The following ZC3H12B variants were observed in gnomAD, a reference collection of about 807,000 sequenced individuals.
ZC3H12B encodes zinc finger CCCH-type containing 12B.
ZC3H12B carries 7 observed loss-of-function variants against 43.9 expected under a neutral mutation model. The observed-to-expected ratio is 0.16, with a 90% CI of 0.09 to 0.30. The LOEUF (loss-of-function observed/expected upper bound fraction) is 0.30. ZC3H12B is among the 10% of genes least tolerant of loss of function. The pLI, the probability that ZC3H12B is intolerant of heterozygous loss-of-function variation, is 1.00. For missense variants in ZC3H12B, 475 were observed against 670.2 expected, an observed-to-expected ratio of 0.71 and a Z score of 3.22; for synonymous variants, 222 against 241.7, an observed-to-expected ratio of 0.92 and a Z score of 0.76.
At chrX:65,347,721 G>C in the ZC3H12B span, among the ~76,000 whole-genome samples, 1 of 112,048 alleles carries the variant, frequency 8.9e-6, no homozygotes, top group Non-Finnish European at 1.9e-5. Context: ...TTTGACCCAG[G>C]CATCCCATTA....
At chrX:65,280,522 A>G in the ZC3H12B span, among the ~76,000 whole-genome samples, 1 of 112,049 alleles carries the variant, frequency 8.9e-6, no homozygotes, top group East Asian at 2.8e-4. Flanking sequence ...TTTATTCAAC[A>G]TAGTACTGAA....
chrX:65,410,325 A>G (rs2066889550), intron 3 of ZC3H12B, among the ~76,000 whole-genome samples: 1 of 112,042 alleles, frequency 8.9e-6, no homozygotes, highest in Non-Finnish European at 1.9e-5. Context: ...CACATTGATT[A>G]AAGACTTAAA....
At chrX:65,159,355 G>A in the ZC3H12B span, among the ~76,000 whole-genome samples, 2 of 111,441 alleles carry the variant, frequency 1.8e-5, no homozygotes, top group African/African-American at 3.3e-5. Flanking sequence ...AAATTACCTT[G>A]GGCAGTATGG....
intron 3 of ZC3H12B, among the ~76,000 whole-genome samples, chrX:65,407,621 G>A (rs1344651627): frequency 8.8e-6 from 1 of 113,597 alleles, no homozygotes; most frequent in Non-Finnish European, 1.9e-5. Context: ...GGGAAAACCC[G>A]AAGAGGAGGC....
chrX:65,234,518 G>C, the ZC3H12B span, among the ~76,000 whole-genome samples: 1 of 111,868 alleles, frequency 8.9e-6, no homozygotes, highest in South Asian at 3.7e-4. Flanking sequence ...ACAGCAGTTA[G>C]GCAAGAGAAA....
intron 3 of ZC3H12B, among the ~76,000 whole-genome samples, chrX:65,416,959 A>G (rs2066969854): frequency 8.9e-6 from 1 of 111,813 alleles, no homozygotes; most frequent in South Asian, 3.7e-4. Context: ...CTTAGGTCTC[A>G]TTCCAAGAGA....
chrX:65,257,108 T>C, the ZC3H12B span, among the ~76,000 whole-genome samples: 2 of 112,261 alleles, frequency 1.8e-5, no homozygotes, highest in East Asian at 5.5e-4. Flanking sequence ...ACTGGGTATA[T>C]ACCCAAAGGA....
At chrX:65,075,563 A>T in the ZC3H12B span, among the ~76,000 whole-genome samples, 1 of 112,209 alleles carries the variant, frequency 8.9e-6, no homozygotes, top group Non-Finnish European at 1.9e-5. Context: ...CCCCCCAAAA[A>T]GACAGAATGT....
intron 3 of ZC3H12B, among the ~76,000 whole-genome samples, chrX:65,431,771 C>T (rs751307823): frequency 8.6e-4 from 96 of 112,197 alleles, no homozygotes; most frequent in African/African-American, 2.9e-3. Flanking sequence ...TCTCACCAAA[C>T]CATTGACTAT....
At chrX:65,177,495 G>C in the ZC3H12B span, among the ~76,000 whole-genome samples, 3 of 112,121 alleles carry the variant, frequency 2.7e-5, no homozygotes, top group African/African-American at 9.7e-5. Flanking sequence ...AATTGTCTCT[G>C]TTTGCAGATG....
At chrX:65,183,906 G>A in the ZC3H12B span, among the ~76,000 whole-genome samples, 2 of 111,170 alleles carry the variant, frequency 1.8e-5, no homozygotes, top group African/African-American at 3.3e-5. Flanking sequence ...TTTTATGTTG[G>A]CAAAGTAGAA....
At chrX:65,128,978 G>GT in the ZC3H12B span, among the ~76,000 whole-genome samples, 4 of 110,619 alleles carry the variant, frequency 3.6e-5, no homozygotes, top group Non-Finnish European at 7.6e-5. Flanking sequence ...GTTAGGTCAT[G>GT]TTTTTTAATC....
intron 3 of ZC3H12B, among the ~76,000 whole-genome samples, chrX:65,470,887 A>T (rs2067902371): frequency 8.9e-6 from 1 of 112,166 alleles, no homozygotes; most frequent in African/African-American, 3.2e-5. Context: ...CTGTGGTCTG[A>T]GAAGATACTT....
At chrX:65,468,870 T>G (rs2067865462) in intron 3 of ZC3H12B, among the ~76,000 whole-genome samples, 1 of 109,484 alleles carries the variant, frequency 9.1e-6, no homozygotes, top group Non-Finnish European at 1.9e-5. Flanking sequence ...TTTTTTTCCT[T>G]ATTTGTTAGA....
the ZC3H12B span, among the ~76,000 whole-genome samples, chrX:65,252,213 G>T: frequency 9.0e-6 from 1 of 111,384 alleles, no homozygotes; most frequent in Non-Finnish European, 1.9e-5. Context: ...TTTGTCTTTG[G>T]TTCTGTTTAT....
At chrX:65,107,026 A>T in the ZC3H12B span, among the ~76,000 whole-genome samples, 1 of 111,428 alleles carries the variant, frequency 9.0e-6, no homozygotes, top group East Asian at 2.8e-4. Flanking sequence ...ACATGAATGT[A>T]GGTTGAGATT....
chrX:65,354,001 C>G, the ZC3H12B span, among the ~76,000 whole-genome samples: 1 of 111,708 alleles, frequency 9.0e-6, no homozygotes, highest in Non-Finnish European at 1.9e-5. Flanking sequence ...CTCCCTGGGA[C>G]AGAGCACCTA....
chrX:65,198,970 G>A, the ZC3H12B span, among the ~76,000 whole-genome samples: 1 of 110,636 alleles, frequency 9.0e-6, no homozygotes, highest in Non-Finnish European at 1.9e-5. Flanking sequence ...GAGATTACAA[G>A]CATGCATCGT....
the ZC3H12B span, among the ~76,000 whole-genome samples, chrX:65,204,353 G>T: frequency 9.0e-6 from 1 of 111,699 alleles, no homozygotes. Flanking sequence ...TCTTAAATGG[G>T]TAAATTAGAG....
Sources: allele counts gnomAD v4.1 joint callset (sites outside exome capture counted in the v4.1 genomes callset), GRCh38; gene constraint gnomAD v4.1.1; transcripts MANE v1.5; gene names NCBI Gene and HGNC (gene_info 2026-07-23, HGNC 2026-07-21).